The following LPAR5 variants were observed in gnomAD, a reference collection of about 807,000 sequenced individuals.
LPAR5 encodes lysophosphatidic acid receptor 5.
For synonymous variants in LPAR5, 271 were observed against 261.6 expected, an observed-to-expected ratio of 1.04 and a Z score of -0.35; for missense variants, 544 against 521.8, an observed-to-expected ratio of 1.04 and a Z score of -0.41.
Position 6,621,281 on chromosome 12 carries a change from G to A in LPAR5, c.-33C>T, listed in dbSNP as rs766255531. The A allele has an allele frequency of 1.4e-6, 2 of 1,479,058 alleles. No individual in the cohort carries two copies. The highest frequency in any genetic ancestry group is 1.8e-6 in the Non-Finnish European group (2 of 1,115,174). 91.6% of individuals were successfully genotyped at this position (1,479,058 alleles called of 1,614,324 possible). A position where few individuals can be genotyped will look rare whatever the true frequency, so the allele number is the denominator to read the frequency against. ...AAGTGGGATTGGGAGCTAGGCTGGG[G>A]ATGCCATGGAGCACACCAGAATCAT... On this transcript the variant is annotated 5_prime_UTR_variant, in exon 2 of 2. Transcript: ENST00000329858.
intron 1 of LPAR5, among the ~76,000 whole-genome samples, chr12:6,624,770 G>A (rs1394330519): frequency 6.6e-6 from 1 of 152,042 alleles, no homozygotes; most frequent in Non-Finnish European, 1.5e-5. Flanking sequence ...ACAGGCATGC[G>A]CCACCACGCC....
intron 1 of LPAR5, among the ~76,000 whole-genome samples, chr12:6,628,709 C>CGTTG (rs1948962479): frequency 6.6e-6 from 1 of 150,740 alleles, no homozygotes; most frequent in Non-Finnish European, 1.5e-5. Context: ...CTCCGCTCAC[C>CGTTG]GCAACCTCTG....
At position 6,621,149 on chromosome 12, in the gene LPAR5, C is replaced by G; in HGVS notation, c.100G>C (p.Ala34Pro). ...AGCGCGTTGAGGGGGAGCCCGGCAGCCAGCACCAAGCTGTAGACCACCAAG... is the reference window on the plus strand; with the variant it reads ...AGCGCGTTGAGGGGGAGCCCGGCAGGCAGCACCAAGCTGTAGACCACCAAG... ...LHLVVYSLVL[A>P]AGLPLNALAL... Residue 34 changes from alanine to proline, a missense_variant, in exon 2 of 2, where the codon GCT becomes CCT. Transcript: ENST00000329858. 1 of 1,597,654 alleles carries G rather than the reference C, an allele frequency of 6.3e-7. No individual in the cohort carries two copies. Among genetic ancestry groups the G allele is most frequent in the Non-Finnish European group, 8.5e-7 (1 of 1,171,694 alleles).
chr12:6,635,629 G>A (rs1305665591), intron 1 of LPAR5, among the ~76,000 whole-genome samples: 2 of 152,142 alleles, frequency 1.3e-5, no homozygotes, highest in Non-Finnish European at 2.9e-5. Flanking sequence ...GAGGGGGAGG[G>A]GGAGGACACA....
chr12:6,629,821 C>G (rs1948970377), intron 1 of LPAR5, among the ~76,000 whole-genome samples: 1 of 151,754 alleles, frequency 6.6e-6, no homozygotes, highest in Admixed American at 6.6e-5. Flanking sequence ...GTCAGGCATT[C>G]AAAACCAGCC....
intron 1 of LPAR5, among the ~76,000 whole-genome samples, chr12:6,630,849 C>T (rs1350972776): frequency 6.6e-6 from 1 of 152,214 alleles, no homozygotes; most frequent in Non-Finnish European, 1.5e-5. Context: ...GCTGCCAGGC[C>T]CCTGGCCTGG....
intron 1 of LPAR5, among the ~76,000 whole-genome samples, chr12:6,625,692 C>T (rs2136242480): frequency 6.8e-6 from 1 of 148,050 alleles, no homozygotes; most frequent in East Asian, 2.0e-4. Flanking sequence ...CACTGCATTC[C>T]AGCCTGGGCG....
rs1452250572 is a variant in LPAR5, at chr12:6,621,087, G to C, written c.162C>G (p.His54Gln). ...TACACATGTACACGCTCACCACCGA[G>C]TGCACGCGCAGCGCGCGCAGGAAGA... ...LWVFLRALRV[H>Q]SVVSVYMCNL... The change falls in exon 2 of 2, where the codon CAC becomes CAG. Residue 54 changes from histidine (H) to glutamine (Q), a missense_variant. By Grantham distance (24) the His-to-Gln change is conservative. Coordinates refer to ENST00000329858, the MANE Select transcript of LPAR5 (RefSeq NM_020400.6). The C allele has an allele frequency of 1.2e-6, 2 of 1,603,470 alleles. No homozygotes were observed. Among genetic ancestry groups the C allele is most frequent in the Non-Finnish European group, 1.7e-6 (2 of 1,173,966 alleles).
chr12:6,621,207 C>A lies in LPAR5; in HGVS notation c.42G>T (p.Pro14=). Residue 14 remains proline, a synonymous_variant, in exon 2 of 2, where the codon CCG becomes CCT. Coordinates refer to ENST00000329858, the MANE Select transcript of LPAR5 (RefSeq NM_020400.6). The part of the protein sequence containing the change: ...NSSSTNSSVL[P]CPDYRPTHRL... Reference sequence around the variant, plus strand: ...GGTGGGTAGGTCGGTAGTCAGGACACGGGAGAACAGAACTGTTGGTTGAGG... The same window carrying A: ...GGTGGGTAGGTCGGTAGTCAGGACAAGGGAGAACAGAACTGTTGGTTGAGG... 3.9e-6 allele frequency: 6 copies of A among 1,536,162 alleles called. No individual in the cohort carries two copies. The highest frequency in any genetic ancestry group is 5.3e-6 in the Non-Finnish European group (6 of 1,142,236).
intron 1 of LPAR5, among the ~76,000 whole-genome samples, chr12:6,634,557 C>T (rs890065071): frequency 1.3e-5 from 2 of 151,798 alleles, no homozygotes; most frequent in African/African-American, 4.8e-5. Context: ...AGCTTGAACC[C>T]AGGAGGCGGA....
chr12:6,629,148 G>T (rs1447047870), intron 1 of LPAR5, among the ~76,000 whole-genome samples: 1 of 147,902 alleles, frequency 6.8e-6, no homozygotes, highest in Non-Finnish European at 1.5e-5. Context: ...GGCCGAGGTG[G>T]GCGGATTACC....
At chr12:6,624,181 G>T (rs1948916097) in intron 1 of LPAR5, among the ~76,000 whole-genome samples, 1 of 152,188 alleles carries the variant, frequency 6.6e-6, no homozygotes, top group Admixed American at 6.5e-5. Flanking sequence ...AGAGCCACAT[G>T]TGAATAAATT....
In LPAR5 at chr12:6,620,091, G is replaced by T; in HGVS notation, c.*39C>A. Reference sequence around the variant, plus strand: ...CTGTAAGCCTCCCAGAACGAGAGGCGTTGGGAGTCGGGCACGGACAGCGCA... The same window carrying T: ...CTGTAAGCCTCCCAGAACGAGAGGCTTTGGGAGTCGGGCACGGACAGCGCA... On this transcript the variant is annotated 3_prime_UTR_variant, in exon 2 of 2. Transcript: ENST00000329858. This position sits in a 1 kb window ranked among gnomAD's most constrained non-coding sequence, Gnocchi z 6.8. 1.2e-6 allele frequency: 2 copies of T among 1,612,204 alleles called. No homozygotes were observed. Among genetic ancestry groups the T allele is most frequent in the South Asian group, 1.1e-5 (1 of 90,824 alleles).
chr12:6,635,018 C>T (rs190991931), intron 1 of LPAR5, among the ~76,000 whole-genome samples: 2 of 147,718 alleles, frequency 1.4e-5, no homozygotes, highest in South Asian at 2.2e-4. Context: ...ACCCAGGAGG[C>T]GGAGGTTGCA....
At chr12:6,625,434 AAAG>A (rs1427040869) in intron 1 of LPAR5, among the ~76,000 whole-genome samples, 54 of 131,426 alleles carry the variant, frequency 4.1e-4, no homozygotes, top group African/African-American at 1.5e-3. Flanking sequence ...AAAAAAAAAA[AAAG>A]AGGGCCGGGC....
Position 6,620,365 on chromosome 12 carries a change from A to T in LPAR5, c.884T>A (p.Leu295Gln). The change falls in exon 2 of 2, where the codon CTG becomes CAG. Residue 295 changes from leucine to glutamine, a missense_variant. By Grantham distance (113) the Leu-to-Gln change is moderately radical. Coordinates refer to ENST00000329858, the MANE Select transcript of LPAR5 (RefSeq NM_020400.6). The surrounding 1 kb of genome is among the most constrained non-coding windows in gnomAD (Gnocchi z 6.8). ...LAGANCVLDP[L>Q]VYYFSAEGFR... The stretch of plus-strand genomic sequence containing the variant: ...GCCCTCGGCGCTAAAGTAGTACACC[A>T]GCGGGTCCAGCACGCAGTTGGCGCC... 6.2e-7 allele frequency: 1 copy of T among 1,611,710 alleles called. No individual in the cohort carries two copies. Among genetic ancestry groups the T allele is most frequent in the East Asian group, 2.2e-5 (1 of 44,812 alleles).
intron 1 of LPAR5, among the ~76,000 whole-genome samples, chr12:6,628,015 C>CTTCTTCT (rs1592300670): frequency 1.2e-5 from 1 of 82,638 alleles, no homozygotes; most frequent in East Asian, 7.6e-4. Context: ...TCATTCTTTT[C>CTTCTTCT]TTTTTCTTTT....
intron 1 of LPAR5, among the ~76,000 whole-genome samples, chr12:6,632,352 C>T (rs567618299): frequency 1.3e-5 from 2 of 152,198 alleles, no homozygotes; most frequent in African/African-American, 4.8e-5. Context: ...AAGGTTCTTA[C>T]ATCTCCCCAT....
At chr12:6,635,500 G>A (rs1302653978) in intron 1 of LPAR5, among the ~76,000 whole-genome samples, 1 of 152,142 alleles carries the variant, frequency 6.6e-6, no homozygotes, top group African/African-American at 2.4e-5. Flanking sequence ...CATCTGCCTG[G>A]CCCTGGGGGA....
Sources: allele counts gnomAD v4.1 joint callset (sites outside exome capture counted in the v4.1 genomes callset), GRCh38; gene constraint gnomAD v4.1.1; non-coding constraint Gnocchi (gnomAD v3.1); transcripts MANE v1.5; gene names NCBI Gene and HGNC (gene_info 2026-07-23, HGNC 2026-07-21).